DOCK3: variants seen among roughly 807,000 people sequenced by gnomAD.
DOCK3 encodes dedicator of cytokinesis protein 3.
Under a neutral mutation model 265.6 loss-of-function variants are expected in DOCK3, and 60 were observed. The observed-to-expected ratio is 0.23, with a 90% confidence interval of 0.18 to 0.28. The LOEUF (loss-of-function observed/expected upper bound fraction) is 0.28. DOCK3 is among the 10% of genes least tolerant of loss of function. The pLI, the probability that DOCK3 is intolerant of heterozygous loss-of-function variation, is 1.00. For missense variants in DOCK3, 1,981 were observed against 2,594.3 expected (o/e 0.76, Z 5.14); for synonymous variants, 881 against 938.0 (o/e 0.94, Z 1.11).
At position 50,998,463 on chromosome 3, in the gene DOCK3, G is replaced by A. The variant is rs1042014677; in HGVS notation, c.315+64386G>A. Reference sequence around the variant, plus strand: ...CTTGGAGCTAGCATCAGTGGTTTACGAATGAGTTGATACAATTTCTGGAAA... The same window carrying A: ...CTTGGAGCTAGCATCAGTGGTTTACAAATGAGTTGATACAATTTCTGGAAA... On this transcript the variant is annotated intron_variant, in intron 5 of 52. Coordinates refer to ENST00000266037, the MANE Select transcript of DOCK3 (RefSeq NM_004947.5). 4.6e-5 allele frequency among the ~76,000 whole-genome samples: 7 copies of A among 152,246 alleles called. No homozygotes were observed. In the East Asian group the frequency reaches 9.6e-4, roughly 21 times the overall value.
Position 50,838,517 on chromosome 3 carries a change from A to G in DOCK3, c.122-3158A>G, listed in dbSNP as rs572570959. On this transcript the variant is annotated intron_variant, in intron 2 of 52. Coordinates refer to ENST00000266037, the MANE Select transcript of DOCK3 (RefSeq NM_004947.5). ...CAGTTAAATGCATATGATGACATTG[A>G]AATTGATGAACACTCAATCTGAACA... Among the ~76,000 whole-genome samples the G allele has an allele frequency of 3.9e-5, 6 of 152,338 alleles. No homozygotes were observed. The South Asian group carries it at 1.2e-3, about 32-fold the overall frequency.
At chr3:50,797,893 G>A (rs558540343) in intron 2 of DOCK3, among the ~76,000 whole-genome samples, 4 of 151,988 alleles carry the variant, frequency 2.6e-5, no homozygotes, top group Admixed American at 6.5e-5. Flanking sequence ...AACATTAATC[G>A]TATTTTCAAA....
chr3:51,351,985 G>A (rs1489227139), intron 40 of DOCK3, among the ~76,000 whole-genome samples: 1 of 152,154 alleles, frequency 6.6e-6, no homozygotes, highest in East Asian at 1.9e-4. Flanking sequence ...TTTCTTAAGA[G>A]GACTGGGCCT....
At chr3:51,159,135 C>A in intron 10 of DOCK3, 109 bp from the exon 11 acceptor site, 1 of 986,268 alleles carries the variant, frequency 1.0e-6, no homozygotes, top group Non-Finnish European at 1.6e-6. Flanking sequence ...TGTAATCTCC[C>A]TTCCCCTGCC....
intron 1 of DOCK3, among the ~76,000 whole-genome samples, chr3:50,710,956 A>G (rs970416508): frequency 1.3e-5 from 2 of 152,248 alleles, no homozygotes; most frequent in Non-Finnish European, 2.9e-5. Context: ...CTAAGCCATG[A>G]GGATGTAAAG....
At chr3:50,898,585 A>G (rs80136511) in intron 4 of DOCK3, 8,804 of 152,260 alleles carry the variant, frequency 0.058, 887 homozygotes, top group African/African-American at 0.2. Context: ...TGTCAATTTT[A>G]GATCTTTCCT....
At chr3:50,884,056 G>A (rs184005315) in intron 3 of DOCK3, among the ~76,000 whole-genome samples, 1 of 150,520 alleles carries the variant, frequency 6.6e-6, no homozygotes, top group East Asian at 2.0e-4. Flanking sequence ...CCTTTTTATG[G>A]CTGAATAAGA....
chr3:51,241,099 A>G (rs111372270), intron 21 of DOCK3, among the ~76,000 whole-genome samples: 2,184 of 152,006 alleles, frequency 0.014, 62 homozygotes, highest in African/African-American at 0.048. Flanking sequence ...TTCCTTCGGG[A>G]GCTCTTGTAA....
At chr3:50,883,277 C>G (rs911093301) in intron 3 of DOCK3, among the ~76,000 whole-genome samples, 1 of 151,490 alleles carries the variant, frequency 6.6e-6, no homozygotes, top group African/African-American at 2.4e-5. Context: ...AAAAAAAAGG[C>G]CATTTTGCTA....
At chr3:50,745,135 G>C (rs1340614220) in intron 1 of DOCK3, among the ~76,000 whole-genome samples, 1 of 152,114 alleles carries the variant, frequency 6.6e-6, no homozygotes. Context: ...TTTTGAGACA[G>C]AGTCTCACTC....
chr3:51,063,215 A>C (rs1353014141), intron 5 of DOCK3, among the ~76,000 whole-genome samples: 2 of 101,622 alleles, frequency 2.0e-5, no homozygotes, highest in African/African-American at 5.8e-5. Context: ...AGACTCTATC[A>C]AAAAAAAAAA....
At chr3:50,720,236 C>T (rs1384328838) in intron 1 of DOCK3, among the ~76,000 whole-genome samples, 1 of 151,744 alleles carries the variant, frequency 6.6e-6, no homozygotes, top group African/African-American at 2.4e-5. Context: ...ATTTCGTCAC[C>T]CAGGTAGTAA....
At chr3:51,109,562 A>C (rs2083429495) in intron 9 of DOCK3, among the ~76,000 whole-genome samples, 1 of 152,256 alleles carries the variant, frequency 6.6e-6, no homozygotes, top group African/African-American at 2.4e-5. Flanking sequence ...AATTCAAAAG[A>C]TCAATGAATC....
chr3:51,228,764 T>A lies in DOCK3; in HGVS notation c.1751T>A (p.Phe584Tyr). The A allele has an allele frequency of 6.2e-7, 1 of 1,614,020 alleles. No individual in the cohort carries two copies. Among genetic ancestry groups the A allele is most frequent in the Non-Finnish European group, 8.5e-7 (1 of 1,179,888 alleles). Residue 584 changes from phenylalanine to tyrosine, a missense_variant, in exon 18 of 53, where the codon TTC becomes TAC. Phe to Tyr is a conservative substitution (Grantham distance 22, BLOSUM62 3). This residue lies in a region of DOCK3 where 1,357 missense variants were observed against 1,866.8 expected (regional missense o/e 0.73). Coordinates refer to ENST00000266037, the MANE Select transcript of DOCK3 (RefSeq NM_004947.5). ...GCPNIPSSLI[F>Y]QRSTKESFFI... ...CCTAATATTCCTTCTAGCCTCATCT[T>A]CCAGCGCAGCACCAAAGAGTCTTTC... is the stretch of plus-strand genomic sequence containing the variant.
chr3:50,693,498 T>G (rs1475163136), intron 1 of DOCK3, among the ~76,000 whole-genome samples: 2 of 151,638 alleles, frequency 1.3e-5, no homozygotes, highest in South Asian at 2.1e-4. Flanking sequence ...AATTGTTTTC[T>G]TCCTTTTCAT....
chr3:50,843,797 A>G (rs890044180), intron 3 of DOCK3, among the ~76,000 whole-genome samples: 2 of 152,156 alleles, frequency 1.3e-5, no homozygotes, highest in Non-Finnish European at 2.9e-5. Flanking sequence ...AATAGCTTGT[A>G]TCTGTACTCT....
intron 2 of DOCK3, among the ~76,000 whole-genome samples, chr3:50,834,512 ATTTCATATTTGACAGTGC>A (rs1471853606): frequency 6.6e-6 from 1 of 152,140 alleles, no homozygotes; most frequent in Admixed American, 6.5e-5. Flanking sequence ...GCCAAACACC[ATTTCATATTTGACAGTGC>A]TTCCCGTATG....
intron 12 of DOCK3, among the ~76,000 whole-genome samples, chr3:51,179,775 G>C (rs749087179): frequency 6.6e-6 from 1 of 151,976 alleles, no homozygotes; most frequent in Non-Finnish European, 1.5e-5. Context: ...AGCCGGGCTT[G>C]GTGGTGCATG....
chr3:50,800,274 C>A (rs1293345049), intron 2 of DOCK3, among the ~76,000 whole-genome samples: 1 of 152,138 alleles, frequency 6.6e-6, no homozygotes, highest in Non-Finnish European at 1.5e-5. Context: ...GGTATTAATT[C>A]TTCTTTAAAA....
Sources: allele counts gnomAD v4.1 joint callset (sites outside exome capture counted in the v4.1 genomes callset), GRCh38; gene constraint gnomAD v4.1.1; regional missense constraint gnomAD v4.1.1; transcripts MANE v1.5; gene names NCBI Gene and HGNC (gene_info 2026-07-23, HGNC 2026-07-21).